Variants in FRMPD4 observed in about 807,000 individuals in gnomAD.
FRMPD4 encodes the protein FERM and PDZ domain containing 4.
Under a neutral mutation model 94.1 loss-of-function variants are expected in FRMPD4, and 22 were observed. The observed-to-expected ratio is 0.23, with a 90% CI of 0.17 to 0.33. FRMPD4 has a LOEUF of 0.33. Ranked by LOEUF, FRMPD4 falls within the 10% of genes least tolerant of loss-of-function variation. The pLI, the probability that FRMPD4 is intolerant of heterozygous loss-of-function variation, is 1.00. For missense variants in FRMPD4, 1,111 were observed against 1,339.9 expected, an observed-to-expected ratio of 0.83 and a Z score of 2.67; for synonymous variants, 631 against 548.6, an observed-to-expected ratio of 1.15 and a Z score of -2.10.
chrX:11,901,549 G>A (rs1442618356), intron 3 of FRMPD4, among the ~76,000 whole-genome samples: 1 of 112,223 alleles, frequency 8.9e-6, no homozygotes, highest in African/African-American at 3.2e-5. Flanking sequence ...GAAATATGCT[G>A]CTATAAACCA....
At chrX:12,452,220 C>T (rs188406738) in intron 1 of FRMPD4, among the ~76,000 whole-genome samples, 1 of 111,635 alleles carries the variant, frequency 9.0e-6, no homozygotes, top group African/African-American at 3.2e-5. Flanking sequence ...TTGAATCTCC[C>T]ATTTAAATTG....
intron 1 of FRMPD4, among the ~76,000 whole-genome samples, chrX:12,384,288 G>T (rs1031564604): frequency 8.9e-6 from 1 of 112,056 alleles, no homozygotes; most frequent in African/African-American, 3.2e-5. Flanking sequence ...GGCCAAGGTG[G>T]GTGGATCATT....
intron 1 of FRMPD4, among the ~76,000 whole-genome samples, chrX:11,831,368 C>T (rs753845865): frequency 4.5e-5 from 5 of 110,967 alleles, no homozygotes; most frequent in South Asian, 3.8e-4. Context: ...TATGGCGGTT[C>T]GTGGAAAGGT....
At chrX:12,059,720 G>C (rs1314579145) in intron 3 of FRMPD4, among the ~76,000 whole-genome samples, 2 of 110,573 alleles carry the variant, frequency 1.8e-5, no homozygotes, top group Non-Finnish European at 3.8e-5. Flanking sequence ...TTGGTTTTCT[G>C]TTCCTGCATT....
chrX:12,001,787 T>C (rs2054525816), intron 3 of FRMPD4, among the ~76,000 whole-genome samples: 1 of 112,331 alleles, frequency 8.9e-6, no homozygotes, highest in Non-Finnish European at 1.9e-5. Context: ...TTCTTCCCTA[T>C]AAATGAATTC....
intron 4 of FRMPD4, among the ~76,000 whole-genome samples, chrX:12,633,199 T>C (rs1319234645): frequency 8.9e-6 from 1 of 112,275 alleles, no homozygotes; most frequent in Non-Finnish European, 1.9e-5. Context: ...TATCTGTATA[T>C]GTACTTTCTC....
Position 12,470,987 on chromosome X carries a change from G to T in FRMPD4, c.42-27693G>T, listed in dbSNP as rs186522778. ...ATTTATTTATTATCTAATGTATTTT[G>T]CTAGATGCTTCAAAAAACACAAATT... On this transcript the variant is annotated intron_variant, in intron 1 of 16. Coordinates refer to ENST00000675598, the MANE Select transcript of FRMPD4 (RefSeq NM_001368397.1). Among the ~76,000 whole-genome samples, 7 of 111,877 alleles carry T rather than the reference G, an allele frequency of 6.3e-5. No homozygotes were observed. The East Asian group carries it at 1.7e-3, about 27-fold the overall frequency.
At chrX:12,163,404 T>C (rs2056057316) in intron 1 of FRMPD4, among the ~76,000 whole-genome samples, 2 of 103,440 alleles carry the variant, frequency 1.9e-5, no homozygotes, top group South Asian at 8.7e-4. Context: ...GTTTTTTTTA[T>C]CATTCTTGAT....
intron 2 of FRMPD4, among the ~76,000 whole-genome samples, chrX:12,529,525 G>A (rs1320445511): frequency 8.9e-6 from 1 of 112,295 alleles, no homozygotes; most frequent in Non-Finnish European, 1.9e-5. Flanking sequence ...CCTAGCAGAT[G>A]CATAATTATT....
At chrX:12,549,231 G>A (rs765482233) in intron 2 of FRMPD4, among the ~76,000 whole-genome samples, 2 of 111,633 alleles carry the variant, frequency 1.8e-5, no homozygotes, top group Admixed American at 9.6e-5. Context: ...CTTGTGTCAC[G>A]AAGGGAAATA....
intron 1 of FRMPD4, among the ~76,000 whole-genome samples, chrX:12,360,957 G>GAA (rs71871271): frequency 0.29 from 16,795 of 58,598 alleles, 1,632 homozygotes; most frequent in Non-Finnish European, 0.37. Context: ...GCCATGAAAA[G>GAA]AAAAAAAAAA....
At chrX:12,354,178 G>A (rs963261681) in intron 1 of FRMPD4, among the ~76,000 whole-genome samples, 31 of 112,349 alleles carry the variant, frequency 2.8e-4, no homozygotes, top group Admixed American at 2.6e-3. Context: ...TATGTTCTCT[G>A]TTGGGAAATA....
At chrX:12,060,692 T>C (rs1673295184) in intron 3 of FRMPD4, among the ~76,000 whole-genome samples, 1 of 111,508 alleles carries the variant, frequency 9.0e-6, no homozygotes, top group African/African-American at 3.3e-5. Flanking sequence ...GTTGTGTGTA[T>C]CTGGTTGTCC....
intron 1 of FRMPD4, among the ~76,000 whole-genome samples, chrX:11,834,685 T>A (rs1365675101): frequency 8.9e-6 from 1 of 111,757 alleles, no homozygotes. Context: ...TATATGTATA[T>A]AAAACAAAAG....
At chrX:12,098,646 ATAGT>A (rs1271640511) in intron 3 of FRMPD4, among the ~76,000 whole-genome samples, 1 of 111,717 alleles carries the variant, frequency 9.0e-6, no homozygotes, top group African/African-American at 3.3e-5. Flanking sequence ...CCCCAAAGAA[ATAGT>A]TAGCTATGGC....
At chrX:11,908,962 T>C (rs2053982626) in intron 3 of FRMPD4, among the ~76,000 whole-genome samples, 1 of 112,123 alleles carries the variant, frequency 8.9e-6, no homozygotes, top group African/African-American at 3.2e-5. Flanking sequence ...TTTGCTAACA[T>C]TTTATTAAGG....
At chrX:12,577,383 G>A (rs955588898) in intron 2 of FRMPD4, among the ~76,000 whole-genome samples, 1 of 110,875 alleles carries the variant, frequency 9.0e-6, no homozygotes, top group African/African-American at 3.3e-5. Flanking sequence ...GGCTTAGGAA[G>A]GCTTTTGGGT....
intron 1 of FRMPD4, among the ~76,000 whole-genome samples, chrX:11,832,268 C>T (rs2053479360): frequency 8.9e-6 from 1 of 111,843 alleles, no homozygotes; most frequent in African/African-American, 3.3e-5. Context: ...ACTACTCTTT[C>T]TGATTCCCAT....
At chrX:12,463,812 A>C (rs2057421580) in intron 1 of FRMPD4, among the ~76,000 whole-genome samples, 3 of 108,506 alleles carry the variant, frequency 2.8e-5, no homozygotes, top group African/African-American at 1.0e-4. Flanking sequence ...AGAAAGAAAA[A>C]TAAAACAAAA....
Sources: allele counts gnomAD v4.1 joint callset (sites outside exome capture counted in the v4.1 genomes callset), GRCh38; gene constraint gnomAD v4.1.1; transcripts MANE v1.5; gene names NCBI Gene and HGNC (gene_info 2026-07-23, HGNC 2026-07-21).